Variants in POU6F2 observed in about 807,000 individuals in gnomAD.
POU6F2 encodes the protein POU class 6 homeobox 2, also known as POU domain, class 6, transcription factor 2.
Under a neutral mutation model 71.3 loss-of-function variants are expected in POU6F2, and 31 were observed. The observed-to-expected ratio is 0.43, with a 90% CI of 0.33 to 0.59. The LOEUF (loss-of-function observed/expected upper bound fraction) is 0.59, where lower values mean the gene tolerates loss of function less well. Among genes scored for constraint, POU6F2 ranks in the 20% least tolerant of loss-of-function variants. The pLI is 0.04. For missense variants in POU6F2, 783 were observed against 856.8 expected (o/e 0.91, Z 1.07); for synonymous variants, 347 against 355.7 (o/e 0.98, Z 0.27).
intron 1 of POU6F2, among the ~76,000 whole-genome samples, chr7:39,072,975 A>T (rs928472373): frequency 7.2e-5 from 11 of 152,226 alleles, no homozygotes; most frequent in Admixed American, 2.0e-4. Context: ...AGACAGGCAC[A>T]AAGAAGATGC....
At chr7:39,164,036 C>A (rs544788214) in intron 2 of POU6F2, among the ~76,000 whole-genome samples, 55 of 152,012 alleles carry the variant, frequency 3.6e-4, no homozygotes, top group Admixed American at 1.4e-3. Flanking sequence ...ATCATGGTGA[C>A]CATAGTTAAT....
chr7:39,281,504 CTA>C (rs564964687), intron 4 of POU6F2, among the ~76,000 whole-genome samples: 441 of 152,250 alleles, frequency 2.9e-3, no homozygotes, highest in African/African-American at 0.01. Context: ...CTTTCTATTT[CTA>C]TGAGATCAAC....
At chr7:39,421,257 A>G (rs990245218) in intron 6 of POU6F2, among the ~76,000 whole-genome samples, 10 of 152,216 alleles carry the variant, frequency 6.6e-5, no homozygotes, top group Non-Finnish European at 1.3e-4. Flanking sequence ...ACTAACAGGA[A>G]ATTGAAAAAG....
At position 39,215,807 on chromosome 7, in the gene POU6F2, A is replaced by G. The variant is rs567956365; in HGVS notation, c.598+8187A>G. ...GATTAAGCTGTCCAATATCTGAAGA[A>G]AGAGTGTCCCAGGGAGAAGTCCTAA... On this transcript the variant is annotated intron_variant, in intron 4 of 9. Transcript: ENST00000518318. 6.1e-4 allele frequency among the ~76,000 whole-genome samples: 93 copies of G among 152,342 alleles called. 2 individuals carry two copies. In the South Asian group the frequency reaches 0.019, roughly 32 times the overall value.
At chr7:39,453,915 C>A (rs1425076327) in intron 8 of POU6F2, among the ~76,000 whole-genome samples, 1 of 152,164 alleles carries the variant, frequency 6.6e-6, no homozygotes, top group Non-Finnish European at 1.5e-5. Flanking sequence ...TCTCTGCAGG[C>A]CAGGAGAGTC....
At chr7:39,050,661 C>T (rs918092712) in intron 1 of POU6F2, among the ~76,000 whole-genome samples, 3 of 152,124 alleles carry the variant, frequency 2.0e-5, no homozygotes, top group African/African-American at 4.8e-5. Flanking sequence ...TTATTGTTGA[C>T]ATCTCTGCTG....
chr7:39,187,458 G>T (rs1307640022), intron 2 of POU6F2, among the ~76,000 whole-genome samples: 1 of 152,254 alleles, frequency 6.6e-6, no homozygotes. Flanking sequence ...GCATGGACAA[G>T]TCTTTACTGC....
intron 5 of POU6F2, among the ~76,000 whole-genome samples, chr7:39,375,339 A>C (rs994755454): frequency 6.6e-6 from 1 of 152,194 alleles, no homozygotes; most frequent in Non-Finnish European, 1.5e-5. Flanking sequence ...CCATTAAATG[A>C]ATAAATATTT....
intron 4 of POU6F2, among the ~76,000 whole-genome samples, chr7:39,298,816 T>C (rs1784900195): frequency 6.6e-6 from 1 of 152,200 alleles, no homozygotes; most frequent in Non-Finnish European, 1.5e-5. Context: ...CGTGGAATAC[T>C]ATGATGCCAT....
chr7:39,289,623 G>A (rs1342719855), intron 4 of POU6F2, among the ~76,000 whole-genome samples: 1 of 152,148 alleles, frequency 6.6e-6, no homozygotes, highest in Non-Finnish European at 1.5e-5. Context: ...TGTAGCTCTT[G>A]ATCATTCAAC....
chr7:39,019,528 C>T (rs899192407), intron 1 of POU6F2, among the ~76,000 whole-genome samples: 1 of 152,076 alleles, frequency 6.6e-6, no homozygotes, highest in Non-Finnish European at 1.5e-5. Flanking sequence ...TCATTCACTA[C>T]TCCTTTGATA....
intron 5 of POU6F2, among the ~76,000 whole-genome samples, chr7:39,355,373 A>G (rs1011447496): frequency 1.1e-4 from 17 of 152,226 alleles, no homozygotes; most frequent in African/African-American, 3.1e-4. Context: ...AAATGAACAT[A>G]TATAGTTACA....
chr7:39,275,713 A>G (rs1316279942), intron 4 of POU6F2, among the ~76,000 whole-genome samples: 1 of 152,180 alleles, frequency 6.6e-6, no homozygotes, highest in Non-Finnish European at 1.5e-5. Context: ...CATATAGATC[A>G]ATGGAACAGA....
chr7:39,406,349 T>A, intron 5 of POU6F2: 1 of 493,350 alleles, frequency 2.0e-6, no homozygotes, highest in Non-Finnish European at 3.7e-6. Context: ...AAGTTCAGGC[T>A]CGTTCCCTCC....
At chr7:39,155,353 A>T (rs779137799) in intron 2 of POU6F2, among the ~76,000 whole-genome samples, 27 of 152,032 alleles carry the variant, frequency 1.8e-4, no homozygotes, top group Non-Finnish European at 2.6e-4. Context: ...AGAGGGTGAG[A>T]TGGAAAGGGT....
At chr7:38,989,799 G>A (rs12670420) in intron 1 of POU6F2, among the ~76,000 whole-genome samples, 30,161 of 138,582 alleles carry the variant, frequency 0.22, 3,627 homozygotes, top group Non-Finnish European at 0.29. Flanking sequence ...TTCTGTGTGT[G>A]TTTGTGTGTG....
At chr7:39,046,031 T>TAA (rs763009675) in intron 1 of POU6F2, among the ~76,000 whole-genome samples, 8 of 152,006 alleles carry the variant, frequency 5.3e-5, no homozygotes, top group South Asian at 2.1e-4. Context: ...AGAAAACTGT[T>TAA]AAACAGTTTT....
intron 4 of POU6F2, among the ~76,000 whole-genome samples, chr7:39,210,324 A>C (rs1377787216): frequency 6.6e-6 from 1 of 152,122 alleles, no homozygotes; most frequent in South Asian, 2.1e-4. Flanking sequence ...CAGTTCGGCC[A>C]ACTGGAATTA....
At chr7:39,239,834 G>A (rs1272927919) in intron 4 of POU6F2, among the ~76,000 whole-genome samples, 1 of 152,126 alleles carries the variant, frequency 6.6e-6, no homozygotes, top group Non-Finnish European at 1.5e-5. Flanking sequence ...AAAGACAGTA[G>A]CCTATAAACC....
Sources: gnomAD v4.1 joint callset for allele counts (sites outside exome capture counted in the v4.1 genomes callset) on GRCh38, gnomAD v4.1.1 for gene constraint, MANE v1.5 for transcripts, NCBI Gene and HGNC (gene_info 2026-07-23, HGNC 2026-07-21) for gene names.